CDH11: variants seen among roughly 807,000 people sequenced by gnomAD.
CDH11 encodes cadherin 11.
A neutral mutation model predicts 67.8 loss-of-function variants in CDH11; 11 were observed. The ratio of observed to expected loss-of-function variants is 0.16; its 90% CI spans 0.10 to 0.27. CDH11 has a LOEUF of 0.27. CDH11 is among the 10% of genes least tolerant of loss of function. CDH11 has a pLI of 1.00. For missense variants in CDH11, 847 were observed against 1,031.2 expected (o/e 0.82, Z 2.45); for synonymous variants, 419 against 400.0 (o/e 1.05, Z -0.57).
intron 2 of CDH11, among the ~76,000 whole-genome samples, chr16:65,007,389 C>T (rs796551082): frequency 5.3e-5 from 8 of 152,124 alleles, no homozygotes; most frequent in African/African-American, 1.7e-4. Flanking sequence ...TAAAAGGCTA[C>T]GTGGGAGAGA....
chr16:65,023,804 G>C (rs920746088), intron 2 of CDH11, among the ~76,000 whole-genome samples: 1 of 152,182 alleles, frequency 6.6e-6, no homozygotes, highest in African/African-American at 2.4e-5. Context: ...GAGCAGTGAG[G>C]ATGACCAGAG....
chr16:65,037,313 CAG>C (rs1049676187), intron 2 of CDH11, among the ~76,000 whole-genome samples: 27 of 152,144 alleles, frequency 1.8e-4, no homozygotes, highest in African/African-American at 6.0e-4. Flanking sequence ...TTGCAGAGGA[CAG>C]AGTGTTAGGA....
intron 1 of CDH11, among the ~76,000 whole-genome samples, chr16:65,097,846 T>A (rs966815970): frequency 1.3e-4 from 20 of 152,168 alleles, no homozygotes; most frequent in East Asian, 3.9e-4. Flanking sequence ...AAAAAATTTT[T>A]AAAAATAAGA....
chr16:64,962,597 C>T (rs573371295), intron 11 of CDH11, among the ~76,000 whole-genome samples: 1 of 152,288 alleles, frequency 6.6e-6, no homozygotes, highest in South Asian at 2.1e-4. Flanking sequence ...TGCACATACA[C>T]ACTTGTGTGA....
At chr16:64,948,642 A>G (rs1333542560) in intron 12 of CDH11, 1 of 1,612,058 alleles carries the variant, frequency 6.2e-7, no homozygotes, top group South Asian at 1.1e-5. Context: ...TAGCCACCAC[A>G]TAGAGGAAAG....
chr16:64,975,029 T>C (rs1370715423), intron 8 of CDH11, among the ~76,000 whole-genome samples: 2 of 152,206 alleles, frequency 1.3e-5, no homozygotes, highest in South Asian at 2.1e-4. Context: ...TGGCCCCAGC[T>C]TGTCTTGAAC....
intron 1 of CDH11, among the ~76,000 whole-genome samples, chr16:65,112,069 C>CAAAAAAAAAAAAAAAAA (rs35671651): frequency 1.1e-5 from 1 of 91,326 alleles, no homozygotes; most frequent in East Asian, 3.1e-4. Context: ...GACTCTGTCT[C>CAAAAAAAAAAAAAAAAA]AAAAAAAAAA....
upstream of CDH11, chr16:65,123,732 C>A (rs1247662048): frequency 4.6e-5 from 7 of 152,558 alleles, no homozygotes; most frequent in South Asian, 2.1e-4. Flanking sequence ...GGTGGCGCTG[C>A]GTGCCTGCCC....
At chr16:65,117,643 A>G (rs566086899) in intron 1 of CDH11, among the ~76,000 whole-genome samples, 1 of 152,356 alleles carries the variant, frequency 6.6e-6, no homozygotes, top group East Asian at 1.9e-4. Context: ...TCCATGCCCC[A>G]AAGTGTTTAC....
Position 64,946,033 on chromosome 16 carries a change from T to C in CDH11, c.*1570A>G, listed in dbSNP as rs1165006961. The C allele has an allele frequency of 3.8e-6, 4 of 1,059,060 alleles. No homozygotes were observed. Among genetic ancestry groups the C allele is most frequent in the Non-Finnish European group, 4.6e-6 (4 of 875,470 alleles). The allele number at this position is 1,059,060 out of a possible 1,614,324, so 65.6% of individuals were successfully genotyped here. ...AAGTTTCAATCCCCAAGAAACTAGCTGGAATGCAGGGGACTGTAGACACAC... is the reference window on the plus strand; with the variant it reads ...AAGTTTCAATCCCCAAGAAACTAGCCGGAATGCAGGGGACTGTAGACACAC... On this transcript the variant is annotated 3_prime_UTR_variant, in exon 13 of 13. Coordinates refer to ENST00000268603, the MANE Select transcript of CDH11 (RefSeq NM_001797.4).
chr16:65,096,419 G>A (rs192304547), intron 1 of CDH11, among the ~76,000 whole-genome samples: 3 of 141,838 alleles, frequency 2.1e-5, no homozygotes, highest in African/African-American at 8.6e-5. Flanking sequence ...GTGTGTGTGT[G>A]TGTGTGTGTG....
At chr16:65,013,548 G>A (rs950819040) in intron 2 of CDH11, among the ~76,000 whole-genome samples, 3 of 152,064 alleles carry the variant, frequency 2.0e-5, no homozygotes, top group East Asian at 1.9e-4. Context: ...AAACCCAGCC[G>A]GGCGCAGTGG....
intron 2 of CDH11, among the ~76,000 whole-genome samples, chr16:65,028,077 G>A (rs2073568409): frequency 6.6e-6 from 1 of 152,190 alleles, no homozygotes; most frequent in Non-Finnish European, 1.5e-5. Context: ...AATATGTGAA[G>A]ATTTTTGAAA....
chr16:65,122,144 GCGGGA>G, upstream of CDH11: 2 of 506,950 alleles, frequency 3.9e-6, no homozygotes, highest in Non-Finnish European at 3.5e-6. Flanking sequence ...GGCGGGGGGG[GCGGGA>G]GGAGGGAGGC....
intron 1 of CDH11, among the ~76,000 whole-genome samples, chr16:65,087,582 A>G (rs879677507): frequency 2.6e-5 from 4 of 152,246 alleles, no homozygotes; most frequent in Non-Finnish European, 5.9e-5. Context: ...AATGTGGAGA[A>G]GGAGATTTAT....
intron 2 of CDH11, among the ~76,000 whole-genome samples, chr16:65,016,135 C>T (rs1311195981): frequency 2.0e-5 from 3 of 152,170 alleles, no homozygotes; most frequent in East Asian, 1.9e-4. Flanking sequence ...CTAAACTCTG[C>T]CACATTTTTA....
rs3046001 is a variant in CDH11 at position 64,945,301 on chromosome 16, T to TAAAAAAAA, written c.*2294_*2301dup. On this transcript the variant is annotated 3_prime_UTR_variant, in exon 13 of 13. Coordinates refer to ENST00000268603, the MANE Select transcript of CDH11 (RefSeq NM_001797.4). ...AGAGGCTTAACGAAAAAATAAAAGGTAAAAAAAAAAAAAAAAAAGAAAAAG... is the reference window on the plus strand; with the variant it reads ...AGAGGCTTAACGAAAAAATAAAAGGTAAAAAAAAAAAAAAAAAAAAAAAAAAGAAAAAG... The TAAAAAAAA allele has an allele frequency of 5.4e-6, 2 of 371,900 alleles. No homozygotes were observed. The highest frequency in any genetic ancestry group is 7.2e-6 in the Non-Finnish European group (2 of 276,542). The allele number at this position is 371,900 out of a possible 1,614,324, so 23.0% of individuals were successfully genotyped here.
chr16:64,977,375 T>A lies in CDH11; in HGVS notation c.1254-4335A>T, dbSNP rs548916493. Among the ~76,000 whole-genome samples the A allele has an allele frequency of 5.3e-5, 8 of 152,274 alleles. No homozygotes were observed. In the East Asian group the frequency reaches 1.5e-3, roughly 29 times the overall value. On this transcript the variant is annotated intron_variant, in intron 8 of 12. Transcript: ENST00000268603. ...ACAGAACAGCTACCATTTGAAAACATGACCCAAATAATCAATTGCAGATGT... is the reference window on the plus strand; with the variant it reads ...ACAGAACAGCTACCATTTGAAAACAAGACCCAAATAATCAATTGCAGATGT...
intron 1 of CDH11, among the ~76,000 whole-genome samples, chr16:65,105,145 A>G (rs772101764): frequency 6.6e-6 from 1 of 152,154 alleles, no homozygotes; most frequent in Admixed American, 6.5e-5. Context: ...AACATAAAGC[A>G]TACACTTCAT....
Sources: gnomAD v4.1 joint callset for allele counts (sites outside exome capture counted in the v4.1 genomes callset) on GRCh38, gnomAD v4.1.1 for gene constraint, MANE v1.5 for transcripts, NCBI Gene and HGNC (gene_info 2026-07-23, HGNC 2026-07-21) for gene names.